Variants in GRIK1 observed in about 807,000 individuals in gnomAD.
GRIK1 encodes the protein glutamate ionotropic receptor kainate type subunit 1.
GRIK1 carries 69 observed loss-of-function variants against 105.7 expected under a neutral mutation model. That is an observed-to-expected ratio of 0.65 (90% CI 0.54 to 0.80). The LOEUF (loss-of-function observed/expected upper bound fraction) is 0.80, where lower values mean the gene tolerates loss of function less well. Among genes scored for constraint, GRIK1 ranks in the 30% least tolerant of loss-of-function variants. GRIK1 has a pLI of 0.00. For missense variants in GRIK1, 1,109 were observed against 1,167.3 expected (o/e 0.95, Z 0.73); for synonymous variants, 438 against 431.3 (o/e 1.02, Z -0.19).
intron 1 of GRIK1, among the ~76,000 whole-genome samples, chr21:29,819,758 C>T (rs958030373): frequency 1.9e-4 from 29 of 152,006 alleles, no homozygotes; most frequent in Admixed American, 1.2e-3. Flanking sequence ...ATAAAAGCTA[C>T]GAGAAGAATT....
intron 6 of GRIK1, among the ~76,000 whole-genome samples, chr21:29,644,983 A>T (rs1224590678): frequency 6.6e-6 from 1 of 152,200 alleles, no homozygotes. Context: ...TCAAACCCAC[A>T]AAGTTGGTGC....
intron 1 of GRIK1, among the ~76,000 whole-genome samples, chr21:29,735,280 A>G (rs563690428): frequency 9.2e-5 from 14 of 152,212 alleles, no homozygotes; most frequent in African/African-American, 1.2e-4. Flanking sequence ...ACTTTAGGTG[A>G]ATTCCATCAC....
intron 1 of GRIK1, among the ~76,000 whole-genome samples, chr21:29,916,280 A>C (rs1183109380): frequency 6.6e-6 from 1 of 151,726 alleles, no homozygotes; most frequent in Non-Finnish European, 1.5e-5. Flanking sequence ...TATTTATGCA[A>C]TGTCATACAC....
At chr21:29,597,999 T>C (rs2061449025) in intron 8 of GRIK1, among the ~76,000 whole-genome samples, 1 of 152,178 alleles carries the variant, frequency 6.6e-6, no homozygotes, top group Non-Finnish European at 1.5e-5. Flanking sequence ...TCTTATTCAC[T>C]ATAGTGGGAA....
chr21:29,739,354 T>C (rs2064871182), intron 1 of GRIK1, among the ~76,000 whole-genome samples: 1 of 152,062 alleles, frequency 6.6e-6, no homozygotes, highest in Non-Finnish European at 1.5e-5. Flanking sequence ...CCATAACCAG[T>C]GGTTCTGTGT....
At chr21:29,634,748 G>T (rs908621397) in intron 7 of GRIK1, among the ~76,000 whole-genome samples, 2 of 152,154 alleles carry the variant, frequency 1.3e-5, no homozygotes, top group African/African-American at 2.4e-5. Flanking sequence ...CTAAGAGTTG[G>T]TCTAAGTGAA....
chr21:29,715,626 A>G (rs1462362795), intron 1 of GRIK1, among the ~76,000 whole-genome samples: 1 of 150,434 alleles, frequency 6.6e-6, no homozygotes, highest in Non-Finnish European at 1.5e-5. Context: ...AGACTTAGAG[A>G]GTTAGGGCCA....
chr21:29,772,183 G>A (rs908327951), intron 1 of GRIK1, among the ~76,000 whole-genome samples: 4 of 152,018 alleles, frequency 2.6e-5, no homozygotes, highest in African/African-American at 9.7e-5. Flanking sequence ...AAACACTCTT[G>A]GCTGTTTTTT....
chr21:29,583,867 A>C (rs923466042), intron 12 of GRIK1, among the ~76,000 whole-genome samples: 105 of 152,302 alleles, frequency 6.9e-4, no homozygotes, highest in African/African-American at 2.4e-3. Flanking sequence ...AAAGATAGCC[A>C]GTGTGACAGC....
intron 1 of GRIK1, among the ~76,000 whole-genome samples, chr21:29,828,278 C>T (rs182124425): frequency 1.3e-5 from 2 of 151,978 alleles, no homozygotes; most frequent in Non-Finnish European, 2.9e-5. Flanking sequence ...CTAGAAGTCA[C>T]TTACATAACA....
intron 1 of GRIK1, among the ~76,000 whole-genome samples, chr21:29,739,175 A>G (rs1426288429): frequency 6.6e-6 from 1 of 152,230 alleles, no homozygotes. Context: ...ATAAAGCGGA[A>G]TGAGGGGGTT....
intron 12 of GRIK1, among the ~76,000 whole-genome samples, chr21:29,583,002 C>T (rs2091054770): frequency 6.6e-6 from 1 of 152,080 alleles, no homozygotes; most frequent in South Asian, 2.1e-4. Context: ...AATTCCTCCT[C>T]ATGAAAAACC....
At chr21:29,688,268 G>T (rs537431322) in intron 3 of GRIK1, among the ~76,000 whole-genome samples, 1 of 152,182 alleles carries the variant, frequency 6.6e-6, no homozygotes, top group East Asian at 1.9e-4. Context: ...AAATACATAA[G>T]TGCATATTTC....
intron 1 of GRIK1, among the ~76,000 whole-genome samples, chr21:29,886,419 C>A (rs1287772039): frequency 6.6e-6 from 1 of 152,076 alleles, no homozygotes; most frequent in African/African-American, 2.4e-5. Flanking sequence ...GCAGTGTGTT[C>A]ATTGTGTTGG....
intron 1 of GRIK1, among the ~76,000 whole-genome samples, chr21:29,792,916 C>T (rs2066462221): frequency 6.6e-6 from 1 of 152,138 alleles, no homozygotes; most frequent in South Asian, 2.1e-4. Flanking sequence ...TAATTAGCTT[C>T]CTCAGAATAC....
At chr21:29,701,389 C>T (rs2063809764) in intron 1 of GRIK1, among the ~76,000 whole-genome samples, 1 of 152,114 alleles carries the variant, frequency 6.6e-6, no homozygotes, top group South Asian at 2.1e-4. Flanking sequence ...AAGAGCGTTA[C>T]AGCCAGGGGA....
At chr21:29,577,393 A>G (rs577800514) in intron 13 of GRIK1, among the ~76,000 whole-genome samples, 1 of 152,232 alleles carries the variant, frequency 6.6e-6, no homozygotes. Context: ...ATAATTTATC[A>G]GTAGCTGATG....
At chr21:29,560,566 T>TCTC (rs2090448048) in intron 15 of GRIK1, among the ~76,000 whole-genome samples, 1 of 121,492 alleles carries the variant, frequency 8.2e-6, no homozygotes, top group African/African-American at 4.3e-5. Context: ...CTTTCTTTCT[T>TCTC]TCTTTCTTTC....
chr21:29,870,386 T>C lies in GRIK1; in HGVS notation c.118+68997A>G, dbSNP rs554066066. Among the ~76,000 whole-genome samples the C allele has an allele frequency of 5.3e-4, 80 of 152,210 alleles. No homozygotes were observed. The Middle Eastern group carries it at 0.01, about 20-fold the overall frequency. ...ATATCAATTGCCAGTTTATATTGCC[T>C]TTATCTTTCCTTTGTTAGCATTATA... is the stretch of plus-strand genomic sequence containing the variant. On this transcript the variant is annotated intron_variant, in intron 1 of 17. Coordinates refer to ENST00000327783, the MANE Select transcript of GRIK1 (RefSeq NM_001330994.2).
Sources: allele counts gnomAD v4.1 joint callset (sites outside exome capture counted in the v4.1 genomes callset), GRCh38; gene constraint gnomAD v4.1.1; transcripts MANE v1.5; gene names NCBI Gene and HGNC (gene_info 2026-07-23, HGNC 2026-07-21).